SPIN1: variants seen among roughly 807,000 people sequenced by gnomAD.
SPIN1 encodes spindlin-1.
In SPIN1, 3 loss-of-function variants were observed where a neutral mutation model predicts 26.0. That is an observed-to-expected ratio of 0.12 (90% CI 0.05 to 0.30). SPIN1 has a LOEUF of 0.30. SPIN1 is among the 10% of genes least tolerant of loss of function. The pLI is 1.00. For synonymous variants in SPIN1, 101 were observed against 116.5 expected, an observed-to-expected ratio of 0.87 and a Z score of 0.86; for missense variants, 126 against 333.4, an observed-to-expected ratio of 0.38 and a Z score of 4.84.
intron 2 of SPIN1, among the ~76,000 whole-genome samples, chr9:88,437,326 T>C (rs1268917419): frequency 6.6e-6 from 1 of 151,776 alleles, no homozygotes; most frequent in East Asian, 2.0e-4. Flanking sequence ...GGCAAAACCC[T>C]ATCTCTACAA....
intron 1 of SPIN1, chr9:88,410,887 G>T (rs1827428784): frequency 3.1e-6 from 3 of 968,920 alleles, no homozygotes; most frequent in Non-Finnish European, 5.0e-6. Flanking sequence ...AGCTTCTTTG[G>T]CTGGATGAAG....
intron 2 of SPIN1, among the ~76,000 whole-genome samples, chr9:88,430,223 T>G (rs1827842220): frequency 6.6e-6 from 1 of 152,212 alleles, no homozygotes; most frequent in African/African-American, 2.4e-5. Flanking sequence ...GCAGGTGTCA[T>G]CTCAAAGGCT....
intron 2 of SPIN1, among the ~76,000 whole-genome samples, chr9:88,439,950 A>C (rs998166776): frequency 1.2e-4 from 19 of 152,154 alleles, no homozygotes; most frequent in Non-Finnish European, 2.1e-4. Context: ...TAATTGGTAT[A>C]TTTAGATCAG....
At chr9:88,443,841 C>G (rs1828188626) in intron 2 of SPIN1, among the ~76,000 whole-genome samples, 1 of 152,136 alleles carries the variant, frequency 6.6e-6, no homozygotes, top group Non-Finnish European at 1.5e-5. Context: ...ATGGCTTGAT[C>G]AACTTCCCCG....
chr9:88,393,851 T>C (rs1826991691), intron 1 of SPIN1, among the ~76,000 whole-genome samples: 1 of 151,954 alleles, frequency 6.6e-6, no homozygotes, highest in Non-Finnish European at 1.5e-5. Context: ...ATGTGTGTTT[T>C]TGGTTTTTTA....
At chr9:88,389,499 T>G (rs1826873022) in intron 1 of SPIN1, 1 of 152,272 alleles carries the variant, frequency 6.6e-6, no homozygotes, top group Non-Finnish European at 1.5e-5. Flanking sequence ...ATTCTCTTTT[T>G]ACTTATAATT....
chr9:88,401,491 A>G (rs1210592204), intron 1 of SPIN1, among the ~76,000 whole-genome samples: 1 of 152,148 alleles, frequency 6.6e-6, no homozygotes, highest in Non-Finnish European at 1.5e-5. Context: ...TCTTATATAA[A>G]ATGGTGTAGT....
intron 3 of SPIN1, among the ~76,000 whole-genome samples, chr9:88,455,820 A>G (rs116489208): frequency 0.023 from 3,445 of 152,100 alleles, 142 homozygotes; most frequent in African/African-American, 0.079. Flanking sequence ...TGTACAAAAA[A>G]TTAAACATTA....
intron 1 of SPIN1, among the ~76,000 whole-genome samples, chr9:88,392,650 T>C (rs1177843331): frequency 1.3e-5 from 2 of 152,092 alleles, no homozygotes; most frequent in African/African-American, 2.4e-5. Context: ...CTCCCTCTTT[T>C]TCTACCTATC....
intron 2 of SPIN1, among the ~76,000 whole-genome samples, chr9:88,431,984 G>C (rs1827881899): frequency 6.6e-6 from 1 of 152,120 alleles, no homozygotes; most frequent in Non-Finnish European, 1.5e-5. Context: ...GCTGCTGTGA[G>C]CTGTGATTGT....
At chr9:88,446,128 G>C (rs1828246152) in intron 2 of SPIN1, among the ~76,000 whole-genome samples, 2 of 152,038 alleles carry the variant, frequency 1.3e-5, no homozygotes, top group South Asian at 4.1e-4. Flanking sequence ...CTTTAATTCT[G>C]TCAGTTTTGC....
At chr9:88,446,531 C>T (rs980264574) in intron 2 of SPIN1, among the ~76,000 whole-genome samples, 5 of 151,644 alleles carry the variant, frequency 3.3e-5, no homozygotes, top group South Asian at 2.1e-4. Flanking sequence ...CTCAGCCTCC[C>T]GAGTAGCTGG....
At chr9:88,459,931 C>T (rs1479566385) in intron 3 of SPIN1, among the ~76,000 whole-genome samples, 2 of 152,148 alleles carry the variant, frequency 1.3e-5, no homozygotes, top group African/African-American at 4.8e-5. Context: ...ACTCTGTTGC[C>T]TTCTGGCATA....
chr9:88,397,608 C>T (rs1438385431), intron 1 of SPIN1, among the ~76,000 whole-genome samples: 2 of 151,652 alleles, frequency 1.3e-5, no homozygotes, highest in Non-Finnish European at 2.9e-5. Flanking sequence ...CCGACTCCAA[C>T]AAGCATCAGT....
intron 1 of SPIN1, among the ~76,000 whole-genome samples, chr9:88,399,226 G>A (rs1024088478): frequency 6.6e-6 from 1 of 152,020 alleles, no homozygotes; most frequent in Non-Finnish European, 1.5e-5. Context: ...TGGAGACGGG[G>A]TTTCACCATG....
At chr9:88,468,947 T>C (rs890444462) in intron 5 of SPIN1, among the ~76,000 whole-genome samples, 1 of 152,222 alleles carries the variant, frequency 6.6e-6, no homozygotes, top group Non-Finnish European at 1.5e-5. Context: ...TTAACAGTTA[T>C]CTCATCGCCT....
chr9:88,418,595 T>C (rs750407771), intron 1 of SPIN1, among the ~76,000 whole-genome samples: 26 of 152,246 alleles, frequency 1.7e-4, no homozygotes, highest in Non-Finnish European at 2.9e-4. Flanking sequence ...TAAATAGCAC[T>C]GTTCAGTGGT....
intron 4 of SPIN1, among the ~76,000 whole-genome samples, chr9:88,465,114 G>A (rs542404768): frequency 2.0e-5 from 3 of 152,162 alleles, no homozygotes; most frequent in Admixed American, 6.5e-5. Flanking sequence ...ACATTCCATT[G>A]TATCTATATA....
At chr9:88,406,352 G>A (rs991432510) in intron 1 of SPIN1, among the ~76,000 whole-genome samples, 3 of 150,300 alleles carry the variant, frequency 2.0e-5, no homozygotes, top group African/African-American at 4.9e-5. Context: ...TTGCCGTGGC[G>A]CAGACTCGGT....
Sources: allele counts gnomAD v4.1 joint callset (sites outside exome capture counted in the v4.1 genomes callset), GRCh38; gene constraint gnomAD v4.1.1; transcripts MANE v1.5; gene names NCBI Gene and HGNC (gene_info 2026-07-23, HGNC 2026-07-21).